Variants in LMNA observed in about 807,000 individuals in gnomAD.
LMNA encodes lamin A/C.
LMNA carries 20 observed loss-of-function variants against 70.4 expected under a neutral mutation model. That is an observed-to-expected ratio of 0.28 (90% confidence interval 0.20 to 0.41). The LOEUF is 0.41. Among genes scored for constraint, LMNA ranks in the 10% least tolerant of loss-of-function variants. LMNA has a pLI of 1.00. For missense variants in LMNA, 652 were observed against 917.2 expected, an observed-to-expected ratio of 0.71 and a Z score of 3.73; for synonymous variants, 339 against 372.8, an observed-to-expected ratio of 0.91 and a Z score of 1.04.
chr1:156,095,281 C>T (rs1338718839), intron 3 of LMNA, among the ~76,000 whole-genome samples: 2 of 151,962 alleles, frequency 1.3e-5, no homozygotes, highest in African/African-American at 4.8e-5. Flanking sequence ...TCGGACTGAT[C>T]GCTCTCCATG....
At position 156,140,033 on chromosome 1, in the gene LMNA, C is replaced by T. The variant is rs909001250; in HGVS notation, c.*927C>T. The T allele has an allele frequency of 5.6e-5, 30 of 532,560 alleles. No homozygotes were observed. Among genetic ancestry groups the T allele is most frequent in the Non-Finnish European group, 8.3e-5 (25 of 302,800 alleles). 33.0% of individuals were successfully genotyped at this position (532,560 alleles called of 1,614,324 possible). A position where few individuals can be genotyped will look rare whatever the true frequency, so the allele number is the denominator to read the frequency against. Reference sequence around the variant, plus strand: ...AAAGAGCCCTTGCCTCCCCATTTCCCATCTGCACCCCTTCTCTCCTCCCCA... The same window carrying T: ...AAAGAGCCCTTGCCTCCCCATTTCCTATCTGCACCCCTTCTCTCCTCCCCA... On this transcript the variant is annotated 3_prime_UTR_variant, in exon 12 of 12. Transcript: ENST00000368300.
chr1:156,131,923 A>G (rs1383995903), intron 2 of LMNA, among the ~76,000 whole-genome samples: 2 of 152,248 alleles, frequency 1.3e-5, no homozygotes, highest in East Asian at 3.8e-4. Flanking sequence ...TAATCCCAGC[A>G]CTTTGGGAGG....
At chr1:156,110,882 A>G (rs1044889236), upstream of LMNA, among the ~76,000 whole-genome samples, 2 of 152,156 alleles carry the variant, frequency 1.3e-5, no homozygotes, top group African/African-American at 4.8e-5. Context: ...AGGCTGAGGC[A>G]GGCAAATCGC....
intron 2 of LMNA, among the ~76,000 whole-genome samples, chr1:156,085,837 C>G (rs1648453490): frequency 6.6e-6 from 1 of 152,210 alleles, no homozygotes; most frequent in South Asian, 2.1e-4. Context: ...GGGTGAATCA[C>G]TTGAGGCCAC....
intron 1 of LMNA, chr1:156,126,634 C>T: frequency 1.7e-6 from 2 of 1,150,336 alleles, no homozygotes; most frequent in Non-Finnish European, 2.6e-6. Context: ...CTTCAGACCC[C>T]TGCCTTGGGT....
At chr1:156,083,104 C>T (rs1648332107) in exon 2 of LMNA, 1 of 152,244 alleles carries the variant, frequency 6.6e-6, no homozygotes, top group Non-Finnish European at 1.5e-5. Context: ...GGGGTCCCCT[C>T]ATCCCTAAAC....
chr1:156,124,167 C>G (rs1250118335), intron 1 of LMNA, among the ~76,000 whole-genome samples: 1 of 152,156 alleles, frequency 6.6e-6, no homozygotes, highest in Non-Finnish European at 1.5e-5. Context: ...CGGGGTGTTT[C>G]ATCCTGGGGC....
At chr1:156,100,363 T>C (rs1649099231) in intron 3 of LMNA, among the ~76,000 whole-genome samples, 1 of 152,118 alleles carries the variant, frequency 6.6e-6, no homozygotes, top group Non-Finnish European at 1.5e-5. Context: ...ATGGAGTTAA[T>C]AATCTCCTGG....
At position 156,134,806 on chromosome 1, in the gene LMNA, A is replaced by G; in HGVS notation, c.641A>G (p.Glu214Gly). 1 of 1,614,134 alleles carries G rather than the reference A, an allele frequency of 6.2e-7. No homozygotes were observed. Among genetic ancestry groups the G allele is most frequent in the East Asian group, 2.2e-5 (1 of 44,878 alleles). Reference sequence around the variant, plus strand: ...GTGTCCTTCCTCCAACCCTTCCAGGAGCTGCGTGAGACCAAGCGCCGTCAT... The same window carrying G: ...GTGTCCTTCCTCCAACCCTTCCAGGGGCTGCGTGAGACCAAGCGCCGTCAT... ...LDFQKNIYSEELRETKRRHET... is the reference protein window; with the variant it reads ...LDFQKNIYSEGLRETKRRHET... The change falls in exon 4 of 12, where the codon GAG becomes GGG. Residue 214 changes from glutamate (E) to glycine (G), a missense_variant and splice_region_variant. By Grantham distance (98) the Glu-to-Gly change is moderately conservative (BLOSUM62 -2). Transcript: ENST00000368300. The surrounding 1 kb of genome is among the most constrained non-coding windows in gnomAD (Gnocchi z 5.3).
intron 3 of LMNA, among the ~76,000 whole-genome samples, chr1:156,101,634 G>A (rs1425842634): frequency 8.2e-6 from 1 of 122,132 alleles, no homozygotes; most frequent in Non-Finnish European, 1.7e-5. Context: ...ACGGAAGGAA[G>A]GAAGGGAGGG....
intron 2 of LMNA, among the ~76,000 whole-genome samples, chr1:156,084,327 T>TGGG (rs1558104047): frequency 3.5e-4 from 2 of 5,768 alleles, no homozygotes; most frequent in Non-Finnish European, 6.2e-4. Flanking sequence ...TCTCAGAAGG[T>TGGG]CGGGGGGTGG....
intron 3 of LMNA, among the ~76,000 whole-genome samples, chr1:156,092,326 G>C (rs1280993809): frequency 6.6e-6 from 1 of 152,080 alleles, no homozygotes; most frequent in African/African-American, 2.4e-5. Context: ...ACAGTGAGCT[G>C]TGATCGTGCC....
intron 1 of LMNA, among the ~76,000 whole-genome samples, chr1:156,123,640 C>T (rs1206721362): frequency 6.6e-6 from 1 of 152,066 alleles, no homozygotes; most frequent in Non-Finnish European, 1.5e-5. Flanking sequence ...TTTGCTCTAT[C>T]CCCAAGCCCC....
In LMNA at chr1:156,137,378, A is replaced by G; in HGVS notation, c.1608+146A>G. The G allele has an allele frequency of 7.4e-6, 8 of 1,077,406 alleles. No individual in the cohort carries two copies. Among genetic ancestry groups the G allele is most frequent in the Non-Finnish European group, 1.1e-5 (8 of 735,628 alleles). 66.7% of individuals were successfully genotyped at this position (1,077,406 alleles called of 1,614,324 possible). On this transcript the variant is annotated intron_variant, in intron 9 of 11. Transcript: ENST00000368300. This position sits in a 1 kb window ranked among gnomAD's most constrained non-coding sequence, Gnocchi z 4.6. Reference sequence around the variant, plus strand: ...CAGGCTCCAGACTTCTCCACCCAGTAGGCAAACCAAAAGATGCTTCCTCAA... The same window carrying G: ...CAGGCTCCAGACTTCTCCACCCAGTGGGCAAACCAAAAGATGCTTCCTCAA...
upstream of LMNA, among the ~76,000 whole-genome samples, chr1:156,112,973 C>A (rs1649594277): frequency 6.6e-6 from 1 of 152,054 alleles, no homozygotes; most frequent in Non-Finnish European, 1.5e-5. Flanking sequence ...CAGATGGGAC[C>A]CAGGCCTCAA....
intron 1 of LMNA, among the ~76,000 whole-genome samples, chr1:156,117,565 G>C (rs926523389): frequency 1.8e-4 from 27 of 151,994 alleles, no homozygotes; most frequent in African/African-American, 4.8e-4. Flanking sequence ...GTTTCACTCT[G>C]TTACCCAGGC....
chr1:156,089,995 C>T (rs967634577), intron 2 of LMNA, among the ~76,000 whole-genome samples: 2 of 148,618 alleles, frequency 1.3e-5, no homozygotes, highest in Non-Finnish European at 3.0e-5. Flanking sequence ...TTTCGAGCTG[C>T]GGTGAGGGAG....
In LMNA at chr1:156,135,618, G is replaced by A. The variant is rs1314695680; in HGVS notation, c.937-283G>A. On this transcript the variant is annotated intron_variant, in intron 5 of 11. Transcript: ENST00000368300. This position sits in a 1 kb window ranked among gnomAD's most constrained non-coding sequence, Gnocchi z 4.8. ...GACTCTGCAATGTGAGGTGTTAAAA[G>A]CATCAGTATTTTTCTAGTTGGCTGT... is the stretch of plus-strand genomic sequence containing the variant. 3.4e-5 allele frequency: 20 copies of A among 590,458 alleles called. No homozygotes were observed. The highest frequency in any genetic ancestry group is 1.0e-4 in the South Asian group (5 of 49,624). The allele number at this position is 590,458 out of a possible 1,614,324, so 36.6% of individuals were successfully genotyped here. A position where few individuals can be genotyped will look rare whatever the true frequency, so the allele number is the denominator to read the frequency against.
rs267607682 is a variant in LMNA, at chr1:156,139,133, G to T, written c.*27G>T. On this transcript the variant is annotated 3_prime_UTR_variant, in exon 12 of 12. Transcript: ENST00000368300. ...CTGGGACCTGCCAGGCAGGGGTGGG[G>T]GTGGAGGCTTCCTGCGTCCTCCTCA... 1 of 1,613,568 alleles carries T rather than the reference G, an allele frequency of 6.2e-7. No individual in the cohort carries two copies. Among genetic ancestry groups the T allele is most frequent in the African/African-American group, 1.3e-5 (1 of 74,896 alleles).
Sources: allele counts gnomAD v4.1 joint callset (sites outside exome capture counted in the v4.1 genomes callset), GRCh38; gene constraint gnomAD v4.1.1; non-coding constraint Gnocchi (gnomAD v3.1); transcripts MANE v1.5; gene names NCBI Gene and HGNC (gene_info 2026-07-23, HGNC 2026-07-21).